Variants in UTS2B observed in about 807,000 individuals in gnomAD.
UTS2B encodes urotensin-2B.
UTS2B carries 21 observed loss-of-function variants against 19.2 expected under a neutral mutation model. The observed-to-expected ratio is 1.09, with a 90% CI of 0.78 to 1.58. UTS2B has a LOEUF of 1.58. UTS2B is among the 40% of genes most tolerant of loss of function. UTS2B has a pLI of 0.00. For synonymous variants in UTS2B, 57 were observed against 50.2 expected (o/e 1.14, Z -0.58); for missense variants, 138 against 130.3 (o/e 1.06, Z -0.29).
At chr3:191,303,545 A>C (rs368096397) in intron 4 of UTS2B, among the ~76,000 whole-genome samples, 1 of 142,322 alleles carries the variant, frequency 7.0e-6, no homozygotes, top group Non-Finnish European at 1.5e-5. Flanking sequence ...AAAAAAAAAA[A>C]ACTCACTGTT....
At chr3:191,313,077 C>T (rs115735971) in intron 3 of UTS2B, among the ~76,000 whole-genome samples, 1,646 of 147,360 alleles carry the variant, frequency 0.011, 15 homozygotes, top group Non-Finnish European at 0.017. Flanking sequence ...GTGGTGTGAT[C>T]TCGGCCTCCC....
chr3:191,314,424 C>T (rs1314668086), intron 3 of UTS2B, among the ~76,000 whole-genome samples: 1 of 152,098 alleles, frequency 6.6e-6, no homozygotes, highest in African/African-American at 2.4e-5. Flanking sequence ...GGGAAATAGG[C>T]CCCAAGTACA....
intron 3 of UTS2B, among the ~76,000 whole-genome samples, chr3:191,310,420 A>G (rs1717267170): frequency 6.6e-6 from 1 of 152,232 alleles, no homozygotes; most frequent in Non-Finnish European, 1.5e-5. Context: ...CTTAATGCCC[A>G]TTATAAAAGA....
chr3:191,297,501 A>C (rs1716885839), intron 4 of UTS2B, among the ~76,000 whole-genome samples: 2 of 152,170 alleles, frequency 1.3e-5, no homozygotes, highest in Admixed American at 6.5e-5. Context: ...TAATTCCTTG[A>C]TTCTCTTTTT....
At chr3:191,341,804 C>T in the UTS2B span, among the ~76,000 whole-genome samples, 1 of 152,222 alleles carries the variant, frequency 6.6e-6, no homozygotes, top group Non-Finnish European at 1.5e-5. Flanking sequence ...CTATGTGTAA[C>T]TCCCTGTTAC....
At chr3:191,299,533 GT>G (rs1716939431) in intron 4 of UTS2B, among the ~76,000 whole-genome samples, 1 of 152,280 alleles carries the variant, frequency 6.6e-6, no homozygotes, top group African/African-American at 2.4e-5. Flanking sequence ...GGTGCACAGA[GT>G]GCAAGAGTTG....
chr3:191,275,174 G>A (rs1716195999), intron 8 of UTS2B, 78 bp downstream of exon 8: 2 of 1,113,550 alleles, frequency 1.8e-6, no homozygotes, highest in Admixed American at 4.1e-5. Context: ...AATGCCAACT[G>A]AATCTTCTTC....
upstream of UTS2B, among the ~76,000 whole-genome samples, chr3:191,335,374 G>A (rs796100287): frequency 6.6e-6 from 1 of 152,282 alleles, no homozygotes; most frequent in African/African-American, 2.4e-5. Context: ...CTGGTGACTC[G>A]TTTAAAGGTG....
the UTS2B span, among the ~76,000 whole-genome samples, chr3:191,340,756 T>G: frequency 6.6e-6 from 1 of 152,222 alleles, no homozygotes; most frequent in Admixed American, 6.5e-5. Context: ...GGCGGACATA[T>G]GAGGTTAGAA....
Position 191,268,264 on chromosome 3 carries a change from AAT to A in UTS2B, c.*150_*151del, listed in dbSNP as rs1715995209. 1 of 589,914 alleles carries A rather than the reference AAT, an allele frequency of 1.7e-6. No homozygotes were observed. 36.5% of individuals were successfully genotyped at this position (589,914 alleles called of 1,614,324 possible). A position where few individuals can be genotyped will look rare whatever the true frequency, so the allele number is the denominator to read the frequency against. ...GTCCAACCTGGCATTGTCTTTACAC[AAT>A]CCCGCATGCAATTTTGTATTTACAA... On this transcript the variant is annotated 3_prime_UTR_variant, in exon 9 of 9. Coordinates refer to ENST00000340524, the MANE Select transcript of UTS2B (RefSeq NM_198152.5).
At chr3:191,297,714 AG>A (rs1716892358) in intron 4 of UTS2B, among the ~76,000 whole-genome samples, 1 of 152,196 alleles carries the variant, frequency 6.6e-6, no homozygotes, top group Admixed American at 6.5e-5. Flanking sequence ...TTAAAGGAGA[AG>A]ACAGATAATA....
At chr3:191,329,568 C>G in intron 1 of UTS2B, 1 of 1,177,392 alleles carries the variant, frequency 8.5e-7, no homozygotes, top group Non-Finnish European at 1.2e-6. Flanking sequence ...CCCTGCCGGC[C>G]GGACTTTGCG....
rs558956307 is a variant in UTS2B, at chr3:191,300,752, G to T, written c.-125+3740C>A. On this transcript the variant is annotated intron_variant, in intron 4 of 8. Coordinates refer to ENST00000340524, the MANE Select transcript of UTS2B (RefSeq NM_198152.5). ...CTTTGGGGCTGTTCTCATGACATCT[G>T]GTTGTTTAAAAGTGTGTGGCAACTG... Among the ~76,000 whole-genome samples, 20 of 152,288 alleles carry T rather than the reference G, an allele frequency of 1.3e-4. 1 individual carries two copies. In the East Asian group the frequency reaches 1.4e-3, roughly 10 times the overall value.
intron 2 of UTS2B, among the ~76,000 whole-genome samples, chr3:191,326,112 C>T (rs1717738803): frequency 1.3e-5 from 2 of 152,182 alleles, no homozygotes; most frequent in South Asian, 4.2e-4. Flanking sequence ...GGTCCCCTTT[C>T]CTGTTTTGCC....
chr3:191,337,402 C>CT, the UTS2B span, among the ~76,000 whole-genome samples: 17 of 148,596 alleles, frequency 1.1e-4, no homozygotes, highest in East Asian at 1.2e-3. Flanking sequence ...TTCTCTCTCT[C>CT]TTTTTTTTTT....
At chr3:191,303,695 C>T (rs1016092606) in intron 4 of UTS2B, among the ~76,000 whole-genome samples, 1 of 152,230 alleles carries the variant, frequency 6.6e-6, no homozygotes, top group African/African-American at 2.4e-5. Flanking sequence ...TGATGCACTA[C>T]TCACAAATAT....
chr3:191,273,090 C>A (rs1196566176), intron 8 of UTS2B, among the ~76,000 whole-genome samples: 1 of 152,138 alleles, frequency 6.6e-6, no homozygotes, highest in Non-Finnish European at 1.5e-5. Flanking sequence ...ATAGCTGGAA[C>A]CTGGGAGGCA....
chr3:191,286,385 A>G (rs747586107), intron 4 of UTS2B, among the ~76,000 whole-genome samples: 6 of 115,950 alleles, frequency 5.2e-5, no homozygotes, highest in Non-Finnish European at 1.1e-4. Flanking sequence ...GACCACAATT[A>G]ACAAATTTAA....
At chr3:191,316,947 T>TA (rs2108609039) in intron 2 of UTS2B, among the ~76,000 whole-genome samples, 1 of 152,374 alleles carries the variant, frequency 6.6e-6, no homozygotes, top group East Asian at 1.9e-4. Flanking sequence ...CCAGCTGGCT[T>TA]AGCCTAGCGG....
Sources: gnomAD v4.1 joint callset for allele counts (sites outside exome capture counted in the v4.1 genomes callset) on GRCh38, gnomAD v4.1.1 for gene constraint, MANE v1.5 for transcripts, NCBI Gene and HGNC (gene_info 2026-07-23, HGNC 2026-07-21) for gene names.